ARHGEF37: variants seen among roughly 807,000 people sequenced by gnomAD.
ARHGEF37 encodes the protein Rho guanine nucleotide exchange factor (GEF) 37.
In ARHGEF37, 55 loss-of-function variants were observed where a neutral mutation model predicts 71.1. The ratio of observed to expected loss-of-function variants is 0.77; its 90% CI spans 0.62 to 0.97. The LOEUF is 0.97. ARHGEF37 is among the 50% of genes least tolerant of loss of function. ARHGEF37 has a pLI of 0.00. For synonymous variants in ARHGEF37, 327 were observed against 350.6 expected (o/e 0.93, Z 0.75); for missense variants, 765 against 836.8 (o/e 0.91, Z 1.06).
At chr5:149,611,927 G>T (rs6579748) in intron 4 of ARHGEF37, among the ~76,000 whole-genome samples, 69,468 of 151,934 alleles carry the variant, frequency 0.46, 16,943 homozygotes, top group Non-Finnish European at 0.55. Context: ...GCTTCACTAA[G>T]AAAGGAGAAA....
chr5:149,591,043 G>A (rs950309029), intron 1 of ARHGEF37, among the ~76,000 whole-genome samples: 4 of 152,108 alleles, frequency 2.6e-5, no homozygotes, highest in Non-Finnish European at 4.4e-5. Context: ...TGAGTGAATA[G>A]TACAGAGGAC....
At chr5:149,608,064 G>A (rs368821338) in intron 3 of ARHGEF37, among the ~76,000 whole-genome samples, 221 of 152,054 alleles carry the variant, frequency 1.5e-3, no homozygotes, top group Non-Finnish European at 1.1e-3. Flanking sequence ...CACCGGGCCC[G>A]GCCTAAAGAA....
intron 12 of ARHGEF37, 34 bp from the exon 13 acceptor site, chr5:149,631,948 T>C (rs752256760): frequency 8.4e-5 from 135 of 1,608,242 alleles, no homozygotes; most frequent in Non-Finnish European, 1.0e-4. Context: ...CTTCTCACCC[T>C]GACCATTTCT....
chr5:149,623,413 C>A (rs1435091987), intron 9 of ARHGEF37, among the ~76,000 whole-genome samples: 2 of 152,196 alleles, frequency 1.3e-5, no homozygotes, highest in Non-Finnish European at 2.9e-5. Context: ...TAGGCCTGAA[C>A]CATCAGTAAA....
intron 3 of ARHGEF37, among the ~76,000 whole-genome samples, chr5:149,605,050 A>G (rs1242146273): frequency 1.3e-5 from 2 of 151,198 alleles, no homozygotes; most frequent in African/African-American, 4.9e-5. Context: ...AACATAGTGA[A>G]ACCCCACCTC....
In ARHGEF37 at chr5:149,622,068, G is replaced by A. The variant is rs890071428; in HGVS notation, c.1335+6G>A. The A allele has an allele frequency of 1.9e-6, 3 of 1,598,374 alleles. No homozygotes were observed. In the East Asian group the frequency reaches 6.7e-5, roughly 36 times the overall value. On this transcript the variant is annotated splice_donor_region_variant and intron_variant, in intron 9 of 12. Transcript: ENST00000333677. ...CAGAGGGAAGCATGGCCCAGGTAAG[G>A]CCTCTGAGACTTGGACACCTGTGGG... is the stretch of plus-strand genomic sequence containing the variant.
At chr5:149,617,472 T>A (rs985359845) in intron 5 of ARHGEF37, among the ~76,000 whole-genome samples, 4 of 152,326 alleles carry the variant, frequency 2.6e-5, no homozygotes, top group African/African-American at 9.6e-5. Flanking sequence ...TGAGACAACA[T>A]AAAAATGGCA....
intron 1 of ARHGEF37, among the ~76,000 whole-genome samples, chr5:149,563,924 G>A (rs541990800): frequency 4.1e-4 from 61 of 147,630 alleles, no homozygotes; most frequent in South Asian, 1.1e-3. Flanking sequence ...ATTTTCCCAC[G>A]CATAGGTAAT....
At chr5:149,588,789 G>T (rs1187157310) in intron 1 of ARHGEF37, among the ~76,000 whole-genome samples, 1 of 152,128 alleles carries the variant, frequency 6.6e-6, no homozygotes, top group Non-Finnish European at 1.5e-5. Context: ...AAATAAAATG[G>T]CTCCCCTTTA....
chr5:149,608,465 G>C (rs2113339919), intron 3 of ARHGEF37, among the ~76,000 whole-genome samples: 1 of 152,028 alleles, frequency 6.6e-6, no homozygotes, highest in Admixed American at 6.5e-5. Context: ...CCGCCTCCCA[G>C]GTTCAAGCAA....
intron 4 of ARHGEF37, 118 bp downstream of exon 4, chr5:149,609,813 AG>A: frequency 7.1e-7 from 1 of 1,399,012 alleles, no homozygotes; most frequent in Non-Finnish European, 9.7e-7. Context: ...GCTCTGTCAG[AG>A]CCTGTGTTAG....
intron 1 of ARHGEF37, 78 bp from the exon 2 acceptor site, chr5:149,597,681 T>C: frequency 7.5e-7 from 1 of 1,331,330 alleles, no homozygotes; most frequent in Admixed American, 2.6e-5. Flanking sequence ...TCTTGATGAG[T>C]AATTGTCATT....
At chr5:149,554,075 T>C (rs57679147) in intron 1 of ARHGEF37, among the ~76,000 whole-genome samples, 42,962 of 151,754 alleles carry the variant, frequency 0.28, 6,740 homozygotes, top group East Asian at 0.62. Context: ...GGCTGAGGCA[T>C]GAGAATCGCT....
chr5:149,593,144 T>C (rs1383608768), intron 1 of ARHGEF37, among the ~76,000 whole-genome samples: 1 of 152,246 alleles, frequency 6.6e-6, no homozygotes, highest in Non-Finnish European at 1.5e-5. Flanking sequence ...TATTCTATAA[T>C]ATTTTTTTGG....
In ARHGEF37 at chr5:149,601,137, C is replaced by A. The variant is rs1347870731; in HGVS notation, c.216C>A (p.Phe72Leu). ...QLPQGDLDVL[F>L]SNIDDIIKVN... ...CGCAGGGAGATCTGGATGTCCTGTT[C>A]TCAAACATTGATGATATCATCAAAG... The change falls in exon 3 of 13, where the codon TTC becomes TTA. Residue 72 changes from phenylalanine (F) to leucine (L), a missense_variant. Transcript: ENST00000333677. The A allele has an allele frequency of 1.2e-6, 2 of 1,612,800 alleles. No homozygotes were observed. Among genetic ancestry groups the A allele is most frequent in the South Asian group, 2.2e-5 (2 of 90,986 alleles).
intron 4 of ARHGEF37, among the ~76,000 whole-genome samples, chr5:149,614,527 G>A (rs896254238): frequency 3.3e-5 from 5 of 152,126 alleles, no homozygotes; most frequent in African/African-American, 7.2e-5. Flanking sequence ...GAAAGTACGC[G>A]GTCATCTCTT....
intron 1 of ARHGEF37, among the ~76,000 whole-genome samples, chr5:149,584,621 T>C (rs1030898088): frequency 6.6e-6 from 1 of 152,136 alleles, no homozygotes; most frequent in African/African-American, 2.4e-5. Flanking sequence ...TCTTTTTTTT[T>C]TCTCTTGAGA....
intron 1 of ARHGEF37, among the ~76,000 whole-genome samples, chr5:149,575,885 C>T (rs775608725): frequency 1.8e-4 from 28 of 151,512 alleles, no homozygotes; most frequent in South Asian, 6.3e-4. Context: ...GCCGTCCCCC[C>T]CCTCAAAAAA....
chr5:149,619,128 G>A, intron 7 of ARHGEF37, 86 bp downstream of exon 7: 1 of 1,128,458 alleles, frequency 8.9e-7, no homozygotes, highest in Non-Finnish European at 1.3e-6. Context: ...TACAAGCTGG[G>A]AAAGGCACCA....
Sources: gnomAD v4.1 joint callset for allele counts (sites outside exome capture counted in the v4.1 genomes callset) on GRCh38, gnomAD v4.1.1 for gene constraint, MANE v1.5 for transcripts, NCBI Gene and HGNC (gene_info 2026-07-23, HGNC 2026-07-21) for gene names.